Variants in ARB2A observed in about 807,000 individuals in gnomAD.
ARB2A encodes the protein cotranscriptional regulator ARB2A.
the ARB2A span, among the ~76,000 whole-genome samples, chr5:93,983,668 T>C: frequency 6.6e-6 from 1 of 152,154 alleles, no homozygotes; most frequent in Non-Finnish European, 1.5e-5. Context: ...AAATTACTTA[T>C]TAATTACAAA....
chr5:93,818,823 G>T, the ARB2A span, among the ~76,000 whole-genome samples: 1 of 152,168 alleles, frequency 6.6e-6, no homozygotes, highest in East Asian at 1.9e-4. Context: ...TGATTAGGTA[G>T]AATTCCCAAA....
the ARB2A span, among the ~76,000 whole-genome samples, chr5:93,729,216 C>T: frequency 6.6e-6 from 1 of 152,054 alleles, no homozygotes; most frequent in East Asian, 1.9e-4. Context: ...GTTCTTTGCT[C>T]CTTTCTTTGT....
the ARB2A span, among the ~76,000 whole-genome samples, chr5:93,772,499 T>C: frequency 2.6e-5 from 4 of 152,134 alleles, no homozygotes; most frequent in African/African-American, 9.7e-5. Flanking sequence ...AGTTTAAGCC[T>C]GTTGCATTAA....
chr5:93,807,924 T>C, the ARB2A span, among the ~76,000 whole-genome samples: 2 of 152,010 alleles, frequency 1.3e-5, no homozygotes, highest in Non-Finnish European at 2.9e-5. Flanking sequence ...CTCCCTAGAA[T>C]GTTTGAGATG....
the ARB2A span, among the ~76,000 whole-genome samples, chr5:93,775,069 T>C: frequency 1.3e-5 from 2 of 152,266 alleles, no homozygotes; most frequent in African/African-American, 2.4e-5. Context: ...TGTGTGTGTA[T>C]AGTAGCATAT....
the ARB2A span, among the ~76,000 whole-genome samples, chr5:94,036,044 TA>T: frequency 6.6e-6 from 1 of 152,074 alleles, no homozygotes; most frequent in Non-Finnish European, 1.5e-5. Context: ...ACCACTTAGT[TA>T]ATTTTAACAT....
chr5:93,953,460 T>A, the ARB2A span, among the ~76,000 whole-genome samples: 1 of 151,850 alleles, frequency 6.6e-6, no homozygotes, highest in East Asian at 1.9e-4. Context: ...GGAAGAATTC[T>A]CTGGATTGCC....
the ARB2A span, among the ~76,000 whole-genome samples, chr5:93,785,981 A>G: frequency 6.6e-6 from 1 of 152,198 alleles, no homozygotes; most frequent in Non-Finnish European, 1.5e-5. Context: ...AAATTCCACA[A>G]TATTGAATCC....
At chr5:93,953,219 C>T in the ARB2A span, among the ~76,000 whole-genome samples, 2 of 152,082 alleles carry the variant, frequency 1.3e-5, no homozygotes, top group African/African-American at 4.8e-5. Flanking sequence ...GGATGTTTGT[C>T]GGTATCTGGG....
At chr5:93,748,872 T>C in the ARB2A span, among the ~76,000 whole-genome samples, 6 of 152,194 alleles carry the variant, frequency 3.9e-5, no homozygotes, top group East Asian at 1.9e-4. Context: ...AGTAGATTGA[T>C]CAGTACTTGC....
At chr5:93,630,108 T>G in the ARB2A span, among the ~76,000 whole-genome samples, 2 of 152,128 alleles carry the variant, frequency 1.3e-5, no homozygotes, top group Non-Finnish European at 2.9e-5. Flanking sequence ...AAATAAAATA[T>G]AACTACTAAA....
chr5:93,917,577 T>G, the ARB2A span, among the ~76,000 whole-genome samples: 1 of 152,118 alleles, frequency 6.6e-6, no homozygotes, highest in Non-Finnish European at 1.5e-5. Context: ...TGTTCTTTCC[T>G]GCAACATAAA....
chr5:93,866,356 G>A, the ARB2A span: 3 of 905,438 alleles, frequency 3.3e-6, no homozygotes, highest in Non-Finnish European at 2.6e-6. Flanking sequence ...GAGGAACAGT[G>A]TTTTCAACTA....
At chr5:93,669,501 A>G in the ARB2A span, among the ~76,000 whole-genome samples, 5 of 152,238 alleles carry the variant, frequency 3.3e-5, no homozygotes, top group Non-Finnish European at 7.3e-5. Context: ...AAAAAGTATA[A>G]AACAGAGTAC....
At chr5:93,654,276 T>C in the ARB2A span, among the ~76,000 whole-genome samples, 3 of 152,192 alleles carry the variant, frequency 2.0e-5, no homozygotes, top group Admixed American at 6.5e-5. Flanking sequence ...TGTGTAATAG[T>C]TGAAATTTGA....
At chr5:93,701,441 G>C in the ARB2A span, among the ~76,000 whole-genome samples, 1 of 152,064 alleles carries the variant, frequency 6.6e-6, no homozygotes, top group African/African-American at 2.4e-5. Context: ...CAGTTTAAGG[G>C]ACTAAGGTAG....
chr5:93,861,458 T>C, the ARB2A span: 1 of 152,234 alleles, frequency 6.6e-6, no homozygotes, highest in African/African-American at 2.4e-5. Flanking sequence ...CGATGTGGAA[T>C]CTAGCATAGT....
At chr5:93,777,780 C>T in the ARB2A span, among the ~76,000 whole-genome samples, 1 of 152,126 alleles carries the variant, frequency 6.6e-6, no homozygotes, top group Non-Finnish European at 1.5e-5. Flanking sequence ...TTCATTCTGT[C>T]TGGAAGAAGA....
the ARB2A span, among the ~76,000 whole-genome samples, chr5:93,913,657 A>T: frequency 3.3e-5 from 5 of 152,032 alleles, no homozygotes; most frequent in Non-Finnish European, 2.9e-5. Flanking sequence ...TAGCAGACTA[A>T]GATGGCATAA....
Sources: gnomAD v4.1 joint callset for allele counts (sites outside exome capture counted in the v4.1 genomes callset) on GRCh38, gnomAD v4.1.1 for gene constraint, MANE v1.5 for transcripts, NCBI Gene and HGNC (gene_info 2026-07-23, HGNC 2026-07-21) for gene names.